NDUFS4: variants seen among roughly 807,000 people sequenced by gnomAD.
NDUFS4 encodes NADH:ubiquinone oxidoreductase subunit S4.
A neutral mutation model predicts 24.3 loss-of-function variants in NDUFS4; 28 were observed. The observed-to-expected ratio is 1.15, with a 90% CI of 0.85 to 1.58. NDUFS4 has a LOEUF of 1.58. NDUFS4 is among the 40% of genes most tolerant of loss of function. The probability of loss-of-function intolerance (pLI) is 0.00; values close to 1 mark genes in which losing one functional copy is unlikely to be tolerated. For missense variants in NDUFS4, 223 were observed against 207.9 expected, an observed-to-expected ratio of 1.07 and a Z score of -0.45; for synonymous variants, 93 against 69.7, an observed-to-expected ratio of 1.34 and a Z score of -1.67.
At chr5:53,647,998 A>T in intron 3 of NDUFS4, among the ~76,000 whole-genome samples, 1 of 152,232 alleles carries the variant, frequency 6.6e-6, no homozygotes, top group Non-Finnish European at 1.5e-5. Context: ...CATCACAAAA[A>T]TACAAATGTA....
chr5:53,643,408 G>A (rs750660915), intron 2 of NDUFS4, among the ~76,000 whole-genome samples: 2 of 152,012 alleles, frequency 1.3e-5, no homozygotes, highest in African/African-American at 2.4e-5. Flanking sequence ...AATAGTTTGC[G>A]GATTTTAAAT....
At chr5:53,678,239 T>C in intron 4 of NDUFS4, among the ~76,000 whole-genome samples, 1 of 152,220 alleles carries the variant, frequency 6.6e-6, no homozygotes, top group Non-Finnish European at 1.5e-5. Context: ...AAAGATCACA[T>C]TTTAAGTTTA....
intron 1 of NDUFS4, 93 bp from the exon 2 acceptor site, chr5:53,603,357 GAC>G (rs1750389598): frequency 1.7e-6 from 1 of 571,930 alleles, no homozygotes; most frequent in Non-Finnish European, 3.0e-6. Flanking sequence ...TTTTTAATAA[GAC>G]AGATATTGTT....
At chr5:53,647,963 TCAAA>T (rs1319776468) in intron 3 of NDUFS4, among the ~76,000 whole-genome samples, 2 of 152,032 alleles carry the variant, frequency 1.3e-5, no homozygotes, top group Non-Finnish European at 2.9e-5. Flanking sequence ...GAGAAAAAAG[TCAAA>T]CAATACAAAT....
intron 4 of NDUFS4, among the ~76,000 whole-genome samples, chr5:53,663,502 G>C (rs1473684281): frequency 6.6e-6 from 1 of 152,170 alleles, no homozygotes; most frequent in Non-Finnish European, 1.5e-5. Flanking sequence ...CTTGCTTTAT[G>C]AATCTGGGTG....
In NDUFS4 at chr5:53,574,420, T is replaced by A. The variant is rs149438853; in HGVS notation, c.98+13660T>A. 6.6e-3 allele frequency among the ~76,000 whole-genome samples: 1,006 copies of A among 152,342 alleles called. 9 individuals carry two copies. The highest frequency in any genetic ancestry group is 0.022 in the South Asian group (108 of 4,828). On this transcript the variant is annotated intron_variant, in intron 1 of 4. Transcript: ENST00000296684. ...TGCATTCTCAATAAACCCCACTTAG[T>A]TGTGGTGTTGAATTCTTTTCGTATA...
At chr5:53,665,768 G>A (rs1014542499) in intron 4 of NDUFS4, among the ~76,000 whole-genome samples, 2 of 152,214 alleles carry the variant, frequency 1.3e-5, no homozygotes, top group African/African-American at 2.4e-5. Context: ...GACCCCTTGC[G>A]CTTCCTGGGT....
chr5:53,609,996 T>C (rs1242258302), intron 2 of NDUFS4, among the ~76,000 whole-genome samples: 1 of 152,226 alleles, frequency 6.6e-6, no homozygotes, highest in Non-Finnish European at 1.5e-5. Flanking sequence ...AGCCTTCTTA[T>C]CATTCATGTG....
chr5:53,650,904 A>C (rs1263986855), intron 3 of NDUFS4, among the ~76,000 whole-genome samples: 1 of 152,232 alleles, frequency 6.6e-6, no homozygotes, highest in Non-Finnish European at 1.5e-5. Context: ...GTAGTGATTT[A>C]ATACTCTGAT....
At chr5:53,662,129 G>A (rs1276596850) in intron 4 of NDUFS4, among the ~76,000 whole-genome samples, 1 of 152,130 alleles carries the variant, frequency 6.6e-6, no homozygotes, top group Non-Finnish European at 1.5e-5. Flanking sequence ...TATTGGCTGT[G>A]GGTTTGTCAT....
In NDUFS4 at chr5:53,681,814, C is replaced by T. The variant is rs2637028; in HGVS notation, c.425-1304C>T. On this transcript the variant is annotated intron_variant, in intron 4 of 4. Transcript: ENST00000296684. Reference sequence around the variant, plus strand: ...TAGATTAAAAGTTTAAATTAAAATACGCTGTTAAATGTTGTTACTTTCCTT... The same window carrying T: ...TAGATTAAAAGTTTAAATTAAAATATGCTGTTAAATGTTGTTACTTTCCTT... 3.1e-3 allele frequency among the ~76,000 whole-genome samples: 464 copies of T among 151,956 alleles called. 2 individuals are homozygous for T. Among genetic ancestry groups the T allele is most frequent in the African/African-American group, 0.011 (448 of 41,458 alleles).
rs576473056 is a variant in NDUFS4, at chr5:53,682,340, A to G, written c.425-778A>G. On this transcript the variant is annotated intron_variant, in intron 4 of 4. Coordinates refer to ENST00000296684, the MANE Select transcript of NDUFS4 (RefSeq NM_002495.4). ...TTGGAAGGAAAATATAAATACTCAG[A>G]AGAGAATAGACAGACACCTTTGATT... Among the ~76,000 whole-genome samples, 5 of 152,176 alleles carry G rather than the reference A, an allele frequency of 3.3e-5. No homozygotes were observed. In the South Asian group the frequency reaches 8.3e-4, roughly 25 times the overall value.
At chr5:53,568,638 T>A (rs1194845827) in intron 1 of NDUFS4, among the ~76,000 whole-genome samples, 1 of 152,176 alleles carries the variant, frequency 6.6e-6, no homozygotes, top group African/African-American at 2.4e-5. Context: ...AGACTCTTAT[T>A]CTTCCTTTTG....
intron 4 of NDUFS4, 138 bp downstream of exon 4, chr5:53,658,762 ACTACATCAGAACACCCACCTCC>A: frequency 1.9e-6 from 1 of 535,766 alleles, no homozygotes. Flanking sequence ...TCAGACTTTA[ACTACATCAGAACACCCACCTCC>A]AAAAAAAAAA....
intron 1 of NDUFS4, among the ~76,000 whole-genome samples, chr5:53,587,879 A>G (rs1012925004): frequency 6.6e-6 from 1 of 152,156 alleles, no homozygotes; most frequent in Non-Finnish European, 1.5e-5. Context: ...GCCTGGCAAT[A>G]CTTCACTTTT....
chr5:53,591,813 CATATG>C (rs1467054832), intron 1 of NDUFS4, among the ~76,000 whole-genome samples: 3 of 152,148 alleles, frequency 2.0e-5, no homozygotes, highest in Non-Finnish European at 2.9e-5. Context: ...TTCCTAATGA[CATATG>C]ATATTGAGCA....
chr5:53,627,431 C>A (rs1311216425), intron 2 of NDUFS4, among the ~76,000 whole-genome samples: 1 of 151,976 alleles, frequency 6.6e-6, no homozygotes, highest in Admixed American at 6.6e-5. Flanking sequence ...GCCAGTGGTA[C>A]CTTGATGGGT....
chr5:53,611,446 CTAAT>C (rs1750694029), intron 2 of NDUFS4, among the ~76,000 whole-genome samples: 1 of 151,922 alleles, frequency 6.6e-6, no homozygotes, highest in South Asian at 2.1e-4. Context: ...TTCTATGTTT[CTAAT>C]TAGTCAATTT....
intron 1 of NDUFS4, among the ~76,000 whole-genome samples, chr5:53,598,044 A>G (rs12522861): frequency 0.42 from 64,351 of 152,106 alleles, 14,418 homozygotes; most frequent in Admixed American, 0.5. Context: ...AAATTAAAAC[A>G]ACAATGAAAT....
Sources: allele counts gnomAD v4.1 joint callset (sites outside exome capture counted in the v4.1 genomes callset), GRCh38; gene constraint gnomAD v4.1.1; transcripts MANE v1.5; gene names NCBI Gene and HGNC (gene_info 2026-07-23, HGNC 2026-07-21).